RIMS1: variants seen among roughly 807,000 people sequenced by gnomAD.
RIMS1 encodes the protein regulating synaptic membrane exocytosis 1.
A neutral mutation model predicts 214.1 loss-of-function variants in RIMS1; 83 were observed. The ratio of observed to expected loss-of-function variants is 0.39; its 90% CI spans 0.32 to 0.47. The LOEUF is 0.47. Among genes scored for constraint, RIMS1 ranks in the 20% least tolerant of loss-of-function variants. The probability of loss-of-function intolerance (pLI) is 0.99; values close to 1 mark genes in which losing one functional copy is unlikely to be tolerated. For missense variants in RIMS1, 2,050 were observed against 2,161.8 expected, an observed-to-expected ratio of 0.95 and a Z score of 1.03; for synonymous variants, 793 against 786.8, an observed-to-expected ratio of 1.01 and a Z score of -0.13.
At chr6:72,174,595 G>A (rs2058270845) in intron 4 of RIMS1, among the ~76,000 whole-genome samples, 2 of 152,218 alleles carry the variant, frequency 1.3e-5, no homozygotes, top group South Asian at 4.1e-4. Flanking sequence ...TAATGTGAAA[G>A]GTTATAAGCA....
At chr6:72,221,571 GAAT>G (rs1419003064) in intron 6 of RIMS1, among the ~76,000 whole-genome samples, 1 of 151,864 alleles carries the variant, frequency 6.6e-6, no homozygotes, top group African/African-American at 2.4e-5. Context: ...TTTCAAACGT[GAAT>G]AATAAACATT....
Position 72,265,289 on chromosome 6 carries a change from T to TGTC in RIMS1, c.3195-100_3195-98dup, listed in dbSNP as rs548183998. On this transcript the variant is annotated intron_variant, in intron 20 of 33. Transcript: ENST00000521978. ...TCTGAATGACATCTACTAACTCAAA[T>TGTC]GTCAGAATTCTAGTTGCTTTGTCAT... 81 of 711,106 alleles carry TGTC rather than the reference T, an allele frequency of 1.1e-4. No homozygotes were observed. The Middle Eastern group carries it at 1.6e-3, about 14-fold the overall frequency. 44.0% of individuals were successfully genotyped at this position (711,106 alleles called of 1,614,324 possible).
intron 2 of RIMS1, among the ~76,000 whole-genome samples, chr6:72,066,538 T>C (rs1335751266): frequency 1.3e-5 from 2 of 152,196 alleles, no homozygotes; most frequent in African/African-American, 4.8e-5. Flanking sequence ...CCTTTTCTTC[T>C]TTTGTTTTCT....
intron 4 of RIMS1, among the ~76,000 whole-genome samples, chr6:72,113,650 T>C (rs748828986): frequency 2.3e-4 from 32 of 139,900 alleles, no homozygotes; most frequent in Non-Finnish European, 4.4e-4. Context: ...TATATTCAAA[T>C]ATTACTTTAG....
chr6:71,953,156 GTTTTATATT>G (rs1790163409), intron 1 of RIMS1, among the ~76,000 whole-genome samples: 1 of 151,542 alleles, frequency 6.6e-6, no homozygotes. Context: ...CCCAGCTAAT[GTTTTATATT>G]TTTAGTAGAG....
intron 2 of RIMS1, among the ~76,000 whole-genome samples, chr6:72,059,942 T>A (rs746368046): frequency 2.2e-4 from 34 of 152,048 alleles, no homozygotes; most frequent in Non-Finnish European, 3.5e-4. Context: ...TTTTTATTTT[T>A]ATTTTTATTT....
chr6:72,139,260 A>G (rs2041792901), intron 4 of RIMS1, among the ~76,000 whole-genome samples: 1 of 152,144 alleles, frequency 6.6e-6, no homozygotes. Context: ...ATCCTCTCAT[A>G]TAATCCCCTT....
intron 19 of RIMS1, chr6:72,260,968 C>T: frequency 7.4e-7 from 1 of 1,356,490 alleles, no homozygotes; most frequent in Non-Finnish European, 9.6e-7. Flanking sequence ...GACTGCTTTG[C>T]CATCTGTAGA....
chr6:72,000,323 A>T (rs1227482199), intron 2 of RIMS1, among the ~76,000 whole-genome samples: 2 of 152,214 alleles, frequency 1.3e-5, no homozygotes, highest in East Asian at 3.8e-4. Context: ...AACTGAGTTC[A>T]AGATATGACA....
At chr6:72,098,359 C>T (rs1423838631) in intron 3 of RIMS1, among the ~76,000 whole-genome samples, 20 of 150,224 alleles carry the variant, frequency 1.3e-4, no homozygotes, top group Admixed American at 1.1e-3. Flanking sequence ...ATTGCAGTGG[C>T]ATTTGGCTCA....
rs1367143682 is a variant in RIMS1, at chr6:72,159,878, T to G, written c.472-19697T>G. ...GGATTGACTTGGCAATGCGGGCTCT[T>G]TTTTGGTTCCATGTGAACTTTAAAG... is the stretch of plus-strand genomic sequence containing the variant. On this transcript the variant is annotated intron_variant, in intron 4 of 33. Coordinates refer to ENST00000521978, the MANE Select transcript of RIMS1 (RefSeq NM_014989.7). 7.9e-5 allele frequency among the ~76,000 whole-genome samples: 11 copies of G among 140,118 alleles called. 2 individuals are homozygous for G. The highest frequency in any genetic ancestry group is 4.0e-4 in the East Asian group (2 of 4,958). The allele number at this position is 140,118 out of a possible 152,430, so 91.9% of individuals were successfully genotyped here.
intron 2 of RIMS1, among the ~76,000 whole-genome samples, chr6:72,008,422 G>T (rs1359658468): frequency 1.3e-4 from 20 of 152,072 alleles, no homozygotes; most frequent in Admixed American, 1.3e-3. Flanking sequence ...CAACTAACGA[G>T]CAAAATAACC....
chr6:72,149,770 T>C (rs1013574080), intron 4 of RIMS1, among the ~76,000 whole-genome samples: 1 of 152,170 alleles, frequency 6.6e-6, no homozygotes, highest in Non-Finnish European at 1.5e-5. Flanking sequence ...GCTGGGGGCT[T>C]CCACAGCCAG....
At chr6:72,053,663 C>G (rs2152173829) in intron 2 of RIMS1, among the ~76,000 whole-genome samples, 1 of 152,164 alleles carries the variant, frequency 6.6e-6, no homozygotes, top group South Asian at 2.1e-4. Flanking sequence ...GAAATGAAAC[C>G]TATTTTAATG....
chr6:72,361,844 A>T (rs932751573), intron 29 of RIMS1, among the ~76,000 whole-genome samples: 1 of 152,216 alleles, frequency 6.6e-6, no homozygotes, highest in Non-Finnish European at 1.5e-5. Flanking sequence ...ATAATCCAGG[A>T]TAACTTTAAC....
chr6:72,394,345 A>G (rs979320278), intron 31 of RIMS1, among the ~76,000 whole-genome samples: 3 of 151,716 alleles, frequency 2.0e-5, no homozygotes, highest in African/African-American at 7.3e-5. Flanking sequence ...TCTAAGAAAT[A>G]AGAAGTAGTT....
intron 29 of RIMS1, among the ~76,000 whole-genome samples, chr6:72,334,905 A>T (rs1564192338): frequency 1.3e-5 from 2 of 151,928 alleles, no homozygotes; most frequent in Non-Finnish European, 2.9e-5. Context: ...TTGCCCTTCC[A>T]ATCAGATGAG....
At chr6:72,355,381 A>T (rs1342303304) in intron 29 of RIMS1, among the ~76,000 whole-genome samples, 1 of 152,212 alleles carries the variant, frequency 6.6e-6, no homozygotes, top group Non-Finnish European at 1.5e-5. Context: ...ACAAGAAAAT[A>T]TATGTATTTA....
chr6:71,902,981 T>G (rs868416045), intron 1 of RIMS1, among the ~76,000 whole-genome samples: 4 of 152,212 alleles, frequency 2.6e-5, no homozygotes, highest in African/African-American at 9.6e-5. Context: ...AATGAAGCAG[T>G]GAACATACAT....
Sources: gnomAD v4.1 joint callset for allele counts (sites outside exome capture counted in the v4.1 genomes callset) on GRCh38, gnomAD v4.1.1 for gene constraint, MANE v1.5 for transcripts, NCBI Gene and HGNC (gene_info 2026-07-23, HGNC 2026-07-21) for gene names.